The following NDRG2 variants were observed in gnomAD, a reference collection of about 807,000 sequenced individuals.
NDRG2 encodes protein NDRG2.
NDRG2 carries 34 observed loss-of-function variants against 58.2 expected under a neutral mutation model. The ratio of observed to expected loss-of-function variants is 0.58; its 90% CI spans 0.44 to 0.78. The LOEUF (loss-of-function observed/expected upper bound fraction) is 0.78. Among genes scored for constraint, NDRG2 ranks in the 30% least tolerant of loss-of-function variants. The pLI is 0.00. For missense variants in NDRG2, 434 were observed against 471.2 expected (o/e 0.92, Z 0.73); for synonymous variants, 187 against 175.9 (o/e 1.06, Z -0.50).
chr14:21,034,099 G>A (rs201783228), intron 1 of NDRG2: 1 of 1,614,156 alleles, frequency 6.2e-7, no homozygotes, highest in East Asian at 2.2e-5. Context: ...TCTGAATTTT[G>A]CATCTTGCCT....
intron 1 of NDRG2, among the ~76,000 whole-genome samples, chr14:21,059,992 CAT>C (rs1374373519): frequency 3.3e-5 from 5 of 152,172 alleles, no homozygotes; most frequent in African/African-American, 9.7e-5. Context: ...CAGAGGAACA[CAT>C]AGTCACAACG....
chr14:21,034,604 C>CT, intron 1 of NDRG2: 1 of 296,222 alleles, frequency 3.4e-6, no homozygotes, highest in Admixed American at 4.6e-5. Context: ...CCTTGGGCCC[C>CT]TGGCACTCCT....
chr14:21,030,518 C>G, upstream of NDRG2: 1 of 1,531,412 alleles, frequency 6.5e-7, no homozygotes, highest in South Asian at 1.2e-5. Flanking sequence ...CACAGTCCTC[C>G]CTCCCCCTTC....
At chr14:21,041,563 A>G (rs1884895518) in intron 1 of NDRG2, among the ~76,000 whole-genome samples, 1 of 152,220 alleles carries the variant, frequency 6.6e-6, no homozygotes, top group African/African-American at 2.4e-5. Flanking sequence ...GCACTGACCC[A>G]GATGCTCCAC....
At chr14:21,030,818 G>C (rs1884042565), upstream of NDRG2, 1 of 1,572,066 alleles carries the variant, frequency 6.4e-7, no homozygotes, top group Non-Finnish European at 8.7e-7. Flanking sequence ...GCCACGGAAG[G>C]GTTCACGTGG....
At position 21,024,580 on chromosome 14, in the gene NDRG2, C is replaced by T. The variant is rs1229645351; in HGVS notation, c.-557G>A. ...AAACAAACACAAAGATTGGTGCCGT[C>T]GCTTCTCTCCTCTACTCAGTCTCCG... On this transcript the variant is annotated 5_prime_UTR_variant, in exon 1 of 16. Coordinates refer to ENST00000556147, the MANE Select transcript of NDRG2 (RefSeq NM_001320329.2). 2.0e-5 allele frequency: 20 copies of T among 985,358 alleles called. No homozygotes were observed. Among genetic ancestry groups the T allele is most frequent in the Non-Finnish European group, 2.4e-5 (20 of 829,966 alleles). The allele number at this position is 985,358 out of a possible 1,614,324, so 61.0% of individuals were successfully genotyped here.
upstream of NDRG2, chr14:21,030,797 C>T (rs756989657): frequency 2.0e-5 from 32 of 1,601,858 alleles, no homozygotes; most frequent in Admixed American, 3.4e-5. Context: ...GAAGAACCTG[C>T]GAGGTAGTTG....
intron 1 of NDRG2, chr14:21,048,615 A>G (rs1885317844): frequency 6.6e-6 from 1 of 152,236 alleles, no homozygotes; most frequent in South Asian, 2.1e-4. Context: ...ATGGATCTTC[A>G]CTACCACTTC....
intron 1 of NDRG2, among the ~76,000 whole-genome samples, chr14:21,060,699 C>T (rs1184687280): frequency 6.6e-6 from 1 of 152,196 alleles, no homozygotes; most frequent in African/African-American, 2.4e-5. Flanking sequence ...CCAAAACACT[C>T]AGAACTAAGT....
At chr14:21,019,521 G>T (rs530506312) in intron 10 of NDRG2, 118 bp downstream of exon 10, 11 of 689,352 alleles carry the variant, frequency 1.6e-5, no homozygotes, top group Admixed American at 5.4e-5. Context: ...ACTAAATGCT[G>T]CATTCCTTGC....
At chr14:21,020,634 C>A (rs751816639) in intron 7 of NDRG2, 52 bp from the exon 8 acceptor site, 1 of 1,596,908 alleles carries the variant, frequency 6.3e-7, no homozygotes, top group Non-Finnish European at 8.6e-7. Flanking sequence ...GCCTTATCCC[C>A]TCCCCGCTAA....
intron 5 of NDRG2, 26 bp downstream of exon 5, chr14:21,022,036 T>C (rs745412613): frequency 6.2e-7 from 1 of 1,614,174 alleles, no homozygotes; most frequent in Non-Finnish European, 8.5e-7. Context: ...CACAGTCTGG[T>C]GAAGCAGTAA....
Position 21,070,066 on chromosome 14 carries a change from G to A in NDRG2, c.24+762C>T, listed in dbSNP as rs1026258181. Reference sequence around the variant, plus strand: ...TCGAGGTTACCCGCTGGAGGGCGGGGCGGAGAAGAAAGAAGGTTGCCGGTG... The same window carrying A: ...TCGAGGTTACCCGCTGGAGGGCGGGACGGAGAAGAAAGAAGGTTGCCGGTG... On this transcript the variant is annotated intron_variant, in intron 1 of 14. Coordinates refer to the NDRG2 transcript ENST00000403829. This position sits in a 1 kb window ranked among gnomAD's most constrained non-coding sequence, Gnocchi z 4.7. Among the ~76,000 whole-genome samples, 7 of 152,348 alleles carry A rather than the reference G, an allele frequency of 4.6e-5. No individual in the cohort carries two copies. The highest frequency in any genetic ancestry group is 1.5e-5 in the Non-Finnish European group (1 of 68,024).
rs114643241 is a variant in NDRG2, at chr14:21,017,925, G to A, written c.949+62C>T. 1,384 of 1,613,360 alleles carry A rather than the reference G, an allele frequency of 8.6e-4. 9 individuals are homozygous for A. In the African/African-American group the frequency reaches 0.016, roughly 19 times the overall value. ...GTGAGTCCAGGCATTCACCTAAAAC[G>A]GTTCCACCCCGTCAGTGCCTATCTC... On this transcript the variant is annotated intron_variant, in intron 15 of 15. Transcript: ENST00000556147.
chr14:21,070,410 C>T lies in NDRG2; in HGVS notation c.24+418G>A, dbSNP rs1188916713. Reference sequence around the variant, plus strand: ...CGGCGCCGAGCCATGGTGAGTCCAGCGTCGCAGCCCCCTGGGTCCCCTCGG... The same window carrying T: ...CGGCGCCGAGCCATGGTGAGTCCAGTGTCGCAGCCCCCTGGGTCCCCTCGG... On this transcript the variant is annotated intron_variant, in intron 1 of 14. Transcript: ENST00000403829. This position sits in a 1 kb window ranked among gnomAD's most constrained non-coding sequence, Gnocchi z 4.7. The T allele has an allele frequency of 3.5e-6, 5 of 1,416,816 alleles. No homozygotes were observed. Among genetic ancestry groups the T allele is most frequent in the Non-Finnish European group, 4.6e-6 (5 of 1,094,534 alleles). The allele number at this position is 1,416,816 out of a possible 1,614,324, so 87.8% of individuals were successfully genotyped here.
chr14:21,019,648 C>G lies in NDRG2; in HGVS notation c.707G>C (p.Ser236Thr). 6.2e-7 allele frequency: 1 copy of G among 1,609,644 alleles called. No homozygotes were observed. ...NLDNIELYWN[S>T]YNNRRDLNFE... ...CACACAGCCCACCCACTTGTTGTAG[C>G]TGTTCCAGTACAATTCAATGTTATC... is the stretch of plus-strand genomic sequence containing the variant. The change falls in exon 10 of 16, where the codon AGC (serine) becomes ACC (threonine). Residue 236 changes from serine to threonine, a missense_variant. Physicochemically the swap from Ser to Thr is moderately conservative, Grantham distance 58. Coordinates refer to ENST00000556147, the MANE Select transcript of NDRG2 (RefSeq NM_001320329.2).
chr14:21,067,648 G>C (rs1475704922), intron 1 of NDRG2, among the ~76,000 whole-genome samples: 1 of 152,078 alleles, frequency 6.6e-6, no homozygotes, highest in East Asian at 1.9e-4. Flanking sequence ...TGAATGAGAA[G>C]GCTTCTAAGT....
At chr14:21,030,735 A>C, upstream of NDRG2, 1 of 1,614,104 alleles carries the variant, frequency 6.2e-7, no homozygotes. Flanking sequence ...GGACGTGGAC[A>C]TCGTGTTCAG....
In NDRG2 at chr14:21,050,457, G is replaced by A. The variant is rs1178833243; in HGVS notation, c.24+20371C>T. ...GAGATATCCCAAGCATTTATCTTTG[G>A]TAAGGGTTACCACTTTTTACCCTTG... On this transcript the variant is annotated intron_variant, in intron 1 of 14. Coordinates refer to the NDRG2 transcript ENST00000403829. Among the ~76,000 whole-genome samples, 7 of 152,156 alleles carry A rather than the reference G, an allele frequency of 4.6e-5. No homozygotes were observed. The South Asian group carries it at 1.0e-3, about 23-fold the overall frequency.
Sources: gnomAD v4.1 joint callset for allele counts (sites outside exome capture counted in the v4.1 genomes callset) on GRCh38, gnomAD v4.1.1 for gene constraint, Gnocchi (gnomAD v3.1) non-coding constraint, MANE v1.5 for transcripts, NCBI Gene and HGNC (gene_info 2026-07-23, HGNC 2026-07-21) for gene names.